CCN4: variants seen among roughly 807,000 people sequenced by gnomAD.
CCN4 encodes the protein cellular communication network factor 4.
CCN4 carries 30 observed loss-of-function variants against 36.7 expected under a neutral mutation model. That is an observed-to-expected ratio of 0.82 (90% CI 0.61 to 1.11). The LOEUF (loss-of-function observed/expected upper bound fraction) is 1.11, where lower values mean the gene tolerates loss of function less well. Among genes scored for constraint, CCN4 ranks in the 50% least tolerant of loss-of-function variants. CCN4 has a pLI of 0.00. For synonymous variants in CCN4, 191 were observed against 195.4 expected (o/e 0.98, Z 0.19); for missense variants, 505 against 504.9 (o/e 1.00, Z 0.00).
intron 1 of CCN4, among the ~76,000 whole-genome samples, chr8:133,199,287 T>C (rs1430128566): frequency 6.6e-6 from 1 of 152,184 alleles, no homozygotes; most frequent in African/African-American, 2.4e-5. Flanking sequence ...AGAATGCCCC[T>C]CTGCTCAGGC....
intron 1 of CCN4, among the ~76,000 whole-genome samples, chr8:133,204,027 TA>T (rs940885349): frequency 1.3e-5 from 2 of 152,350 alleles, no homozygotes; most frequent in Non-Finnish European, 2.9e-5. Flanking sequence ...TCCAGGGCTT[TA>T]TTTTTTTTCC....
Position 133,225,478 on chromosome 8 carries a change from G to T in CCN4, c.699G>T (p.Gly233=). ...CTTGCTCCACCAGCTGCGGCCTGGG[G>T]GTCTCCACTCGGATCTCCAATGTTA... is the stretch of plus-strand genomic sequence containing the variant. ...WSPCSTSCGL[G]VSTRISNVNA... The change falls in exon 4 of 5, where the codon GGG becomes GGT. Residue 233 remains glycine, a synonymous_variant. Transcript: ENST00000250160. The T allele has an allele frequency of 6.2e-7, 1 of 1,614,078 alleles. No individual in the cohort carries two copies. Among genetic ancestry groups the T allele is most frequent in the Non-Finnish European group, 8.5e-7 (1 of 1,179,984 alleles).
chr8:133,226,203 C>T (rs1854730057), intron 4 of CCN4, among the ~76,000 whole-genome samples: 1 of 152,222 alleles, frequency 6.6e-6, no homozygotes, highest in Admixed American at 6.5e-5. Flanking sequence ...TCAAGTCCTC[C>T]TCACTCATGC....
chr8:133,194,414 G>A (rs1173558333), intron 1 of CCN4, among the ~76,000 whole-genome samples: 1 of 109,012 alleles, frequency 9.2e-6, no homozygotes, highest in African/African-American at 3.8e-5. Context: ...GTGTGGATTT[G>A]TGTGGTGTGT....
intron 4 of CCN4, among the ~76,000 whole-genome samples, chr8:133,225,794 A>G (rs757847419): frequency 1.3e-5 from 2 of 152,136 alleles, no homozygotes; most frequent in Non-Finnish European, 2.9e-5. Context: ...GGTAGGTATC[A>G]TATTATTAGA....
At chr8:133,193,491 T>G (rs548106693) in intron 1 of CCN4, among the ~76,000 whole-genome samples, 1 of 152,224 alleles carries the variant, frequency 6.6e-6, no homozygotes. Flanking sequence ...ATATGACTTA[T>G]GCTTTCATCT....
chr8:133,218,704 C>T (rs946708898), intron 2 of CCN4, among the ~76,000 whole-genome samples: 2 of 152,050 alleles, frequency 1.3e-5, no homozygotes, highest in East Asian at 3.9e-4. Context: ...TCATGATGTC[C>T]GGGGCTCTTT....
At chr8:133,221,919 A>AGGATGGAT (rs369465312) in intron 3 of CCN4, among the ~76,000 whole-genome samples, 1 of 146,916 alleles carries the variant, frequency 6.8e-6, no homozygotes, top group African/African-American at 2.5e-5. Context: ...GGATGGATGG[A>AGGATGGAT]GGATGGATGG....
At chr8:133,214,883 T>G (rs2130591833) in intron 2 of CCN4, among the ~76,000 whole-genome samples, 1 of 152,252 alleles carries the variant, frequency 6.6e-6, no homozygotes, top group Middle Eastern at 3.4e-3. Flanking sequence ...ACCATTATAT[T>G]TTTTGAGGTG....
chr8:133,213,957 AT>A (rs1169200868), intron 2 of CCN4, among the ~76,000 whole-genome samples: 224 of 77,592 alleles, frequency 2.9e-3, no homozygotes, highest in Admixed American at 0.01. Flanking sequence ...TAGTAGTTAT[AT>A]ATACTATATA....
At chr8:133,217,944 A>ACACACG (rs1854385795) in intron 2 of CCN4, among the ~76,000 whole-genome samples, 2 of 151,728 alleles carry the variant, frequency 1.3e-5, no homozygotes, top group African/African-American at 4.8e-5. Context: ...CTCCACACAC[A>ACACACG]CACACACACA....
In CCN4 at chr8:133,220,690, C is replaced by T; in HGVS notation, c.459C>T (p.Cys153=). 1 of 1,613,994 alleles carries T rather than the reference C, an allele frequency of 6.2e-7. No individual in the cohort carries two copies. The highest frequency in any genetic ancestry group is 8.5e-7 in the Non-Finnish European group (1 of 1,179,980). The change falls in exon 3 of 5, where the codon TGC becomes TGT. Residue 153 remains cysteine (C), a synonymous_variant. Transcript: ENST00000250160. ...CGTGCATCGACGGCGCGGTGGGCTG[C>T]ACACCACTGTGCCTCCGAGTGCGCC... ...NCTCIDGAVG[C]TPLCLRVRPP... is the part of the protein sequence containing the mutation.
chr8:133,214,906 G>A (rs1191873057), intron 2 of CCN4, among the ~76,000 whole-genome samples: 1 of 152,180 alleles, frequency 6.6e-6, no homozygotes, highest in South Asian at 2.1e-4. Context: ...TTGTCCATGA[G>A]GGTTATGTAC....
intron 2 of CCN4, among the ~76,000 whole-genome samples, chr8:133,217,547 G>A (rs142465120): frequency 2.1e-3 from 318 of 152,258 alleles, no homozygotes; most frequent in African/African-American, 7.3e-3. Context: ...ATCTGCAGCC[G>A]TCATGCATCC....
chr8:133,198,094 G>C (rs1415233982), intron 1 of CCN4, among the ~76,000 whole-genome samples: 4 of 152,092 alleles, frequency 2.6e-5, no homozygotes, highest in Admixed American at 2.0e-4. Context: ...GAGGAGATTG[G>C]ACTTGATCCC....
chr8:133,227,817 C>T lies in CCN4; in HGVS notation c.*107C>T. ...TGAGCCTTAGTTACCCTGATCTGGA[C>T]CCTTGGCCTCCATTTCTGTCTCTAA... is the stretch of plus-strand genomic sequence containing the variant. On this transcript the variant is annotated 3_prime_UTR_variant, in exon 5 of 5. Transcript: ENST00000250160. The T allele has an allele frequency of 8.1e-7, 1 of 1,231,862 alleles. No homozygotes were observed. The highest frequency in any genetic ancestry group is 1.1e-6 in the Non-Finnish European group (1 of 895,508). 76.3% of individuals were successfully genotyped at this position (1,231,862 alleles called of 1,614,324 possible).
intron 2 of CCN4, among the ~76,000 whole-genome samples, chr8:133,218,690 C>A (rs1156337356): frequency 2.0e-5 from 3 of 152,122 alleles, no homozygotes; most frequent in African/African-American, 7.2e-5. Flanking sequence ...CCTTGGGTGG[C>A]CACTCATGAT....
chr8:133,194,517 TGTGTGTGGGG>T (rs1853260358), intron 1 of CCN4, among the ~76,000 whole-genome samples: 1 of 58,930 alleles, frequency 1.7e-5, no homozygotes, highest in Admixed American at 2.5e-4. Flanking sequence ...ATGAGTGTGG[TGTGTGTGGGG>T]GTGTGTGTGG....
At chr8:133,223,427 A>G (rs1233070304) in intron 3 of CCN4, among the ~76,000 whole-genome samples, 1 of 151,980 alleles carries the variant, frequency 6.6e-6, no homozygotes, top group Admixed American at 6.6e-5. Context: ...CTCCCATTTC[A>G]GGTCTTTCCC....
Sources: allele counts gnomAD v4.1 joint callset (sites outside exome capture counted in the v4.1 genomes callset), GRCh38; gene constraint gnomAD v4.1.1; transcripts MANE v1.5; gene names NCBI Gene and HGNC (gene_info 2026-07-23, HGNC 2026-07-21).